The following ESCO2 variants were observed in gnomAD, a reference collection of about 807,000 sequenced individuals.
ESCO2 encodes the protein establishment of sister chromatid cohesion N-acetyltransferase 2.
In ESCO2, 51 loss-of-function variants were observed where a neutral mutation model predicts 61.7. The observed-to-expected ratio is 0.83, with a 90% CI of 0.66 to 1.04. ESCO2 has a LOEUF of 1.04. ESCO2 is among the 50% of genes least tolerant of loss of function. ESCO2 has a pLI of 0.00. For missense variants in ESCO2, 692 were observed against 686.2 expected (o/e 1.01, Z -0.09); for synonymous variants, 230 against 238.2 (o/e 0.97, Z 0.32).
At chr8:27,772,908 C>T (rs562141249), upstream of ESCO2, among the ~76,000 whole-genome samples, 1 of 152,248 alleles carries the variant, frequency 6.6e-6, no homozygotes, top group Admixed American at 6.5e-5. Flanking sequence ...GGGTTTAGAA[C>T]ATAGCACACA....
At chr8:27,807,040 TTATC>T (rs1389510733), downstream of ESCO2, among the ~76,000 whole-genome samples, 1 of 152,186 alleles carries the variant, frequency 6.6e-6, no homozygotes, top group Non-Finnish European at 1.5e-5. Context: ...TAATTCTAAT[TTATC>T]TATTTCTATC....
intron 3 of ESCO2, chr8:27,779,823 C>T (rs1173660182): frequency 2.2e-5 from 5 of 227,842 alleles, no homozygotes; most frequent in Non-Finnish European, 2.6e-5. Flanking sequence ...GGTGCCACCA[C>T]GCCCAGCTAA....
At chr8:27,802,990 C>T (rs964635184) in intron 10 of ESCO2, among the ~76,000 whole-genome samples, 3 of 151,946 alleles carry the variant, frequency 2.0e-5, no homozygotes, top group Admixed American at 6.6e-5. Context: ...GCCTTGGCCT[C>T]CCAAAGTGCT....
intron 9 of ESCO2, among the ~76,000 whole-genome samples, chr8:27,794,846 ATTGT>A (rs1249618938): frequency 2.0e-4 from 30 of 152,102 alleles, no homozygotes; most frequent in African/African-American, 7.0e-4. Context: ...TCCTTGCCCC[ATTGT>A]TTGTTCTTGG....
intron 5 of ESCO2, among the ~76,000 whole-genome samples, chr8:27,786,373 A>C (rs1451168547): frequency 6.6e-6 from 1 of 152,186 alleles, no homozygotes; most frequent in Non-Finnish European, 1.5e-5. Flanking sequence ...TCACAGGTTC[A>C]CGTGATTGCT....
intron 2 of ESCO2, 103 bp from the exon 3 acceptor site, chr8:27,776,259 T>C: frequency 2.2e-6 from 2 of 893,354 alleles, no homozygotes; most frequent in Non-Finnish European, 3.5e-6. Flanking sequence ...GGGGTACATG[T>C]ATTGTTTTTA....
chr8:27,807,456 A>C (rs1453879533), downstream of ESCO2, among the ~76,000 whole-genome samples: 1 of 152,120 alleles, frequency 6.6e-6, no homozygotes. Context: ...TAAATAAACC[A>C]AACCCAATTT....
Position 27,788,965 on chromosome 8 carries a change from G to T in ESCO2, c.1250G>T (p.Gly417Val). The T allele has an allele frequency of 6.2e-7, 1 of 1,613,964 alleles. No homozygotes were observed. The highest frequency in any genetic ancestry group is 8.5e-7 in the Non-Finnish European group (1 of 1,179,954). ...CAGCATCACCACAGGTTTCTGGAAGGAATCAAATATGTGGTGAGCCAAAAC... is the reference window on the plus strand; with the variant it reads ...CAGCATCACCACAGGTTTCTGGAAGTAATCAAATATGTGGTGAGCCAAAAC... Reference protein sequence around the residue: ...HVQHHHRFLEGIKYVGWKKER... With the variant: ...HVQHHHRFLEVIKYVGWKKER... The change falls in exon 7 of 11, where the codon GGA becomes GTA. Residue 417 changes from glycine (G) to valine (V), a missense_variant. By Grantham distance (109) the Gly-to-Val change is moderately radical. Transcript: ENST00000305188.
chr8:27,806,546 A>T (rs1019104184), downstream of ESCO2, among the ~76,000 whole-genome samples: 1 of 151,860 alleles, frequency 6.6e-6, no homozygotes, highest in African/African-American at 2.4e-5. Flanking sequence ...TTGGGATTTT[A>T]TTGGAATTGT....
chr8:27,819,556 T>TG, the ESCO2 span, among the ~76,000 whole-genome samples: 1 of 152,228 alleles, frequency 6.6e-6, no homozygotes, highest in East Asian at 1.9e-4. Context: ...GCATTGATGT[T>TG]AAGGAATATC....
intron 9 of ESCO2, among the ~76,000 whole-genome samples, chr8:27,794,612 A>G (rs1805254849): frequency 6.6e-6 from 1 of 151,988 alleles, no homozygotes; most frequent in Non-Finnish European, 1.5e-5. Context: ...TTCTTCTTTT[A>G]TTGCCCACAT....
intron 10 of ESCO2, among the ~76,000 whole-genome samples, chr8:27,800,918 T>C (rs2128958015): frequency 6.6e-6 from 1 of 152,262 alleles, no homozygotes; most frequent in South Asian, 2.1e-4. Flanking sequence ...AGAAAGTAGA[T>C]GTGTAGTTTC....
At chr8:27,799,814 C>G (rs1270254377) in intron 10 of ESCO2, 98 bp downstream of exon 10, 3 of 1,387,762 alleles carry the variant, frequency 2.2e-6, no homozygotes, top group Non-Finnish European at 3.1e-6. Flanking sequence ...TGGTAAGATA[C>G]TTCAGTATAA....
chr8:27,801,247 A>G (rs1805417371), intron 10 of ESCO2, among the ~76,000 whole-genome samples: 1 of 152,218 alleles, frequency 6.6e-6, no homozygotes, highest in South Asian at 2.1e-4. Context: ...GAGTTTCACA[A>G]CACTTGCTCT....
At chr8:27,777,591 C>T (rs1356465299) in intron 3 of ESCO2, 1 of 155,282 alleles carries the variant, frequency 6.4e-6, no homozygotes, top group African/African-American at 2.4e-5. Context: ...TGAACCACTG[C>T]ACCTGGCCCA....
At chr8:27,783,853 A>T (rs946553623) in intron 4 of ESCO2, 147 bp from the exon 5 acceptor site, 6 of 746,516 alleles carry the variant, frequency 8.0e-6, no homozygotes, top group Non-Finnish European at 1.2e-5. Flanking sequence ...TCTGTTGAGG[A>T]CTGTTTTTCC....
chr8:27,772,423 G>C (rs982557567), upstream of ESCO2: 8 of 1,345,196 alleles, frequency 5.9e-6, no homozygotes, highest in African/African-American at 1.2e-4. Flanking sequence ...AGGCATTTTA[G>C]AGCGAGGGTC....
intron 10 of ESCO2, 86 bp downstream of exon 10, chr8:27,799,802 A>C: frequency 2.1e-6 from 3 of 1,439,720 alleles, no homozygotes; most frequent in Non-Finnish European, 2.9e-6. Context: ...AGGGAAGGAT[A>C]TTGGTAAGAT....
At chr8:27,793,152 C>T (rs1012314760) in intron 9 of ESCO2, among the ~76,000 whole-genome samples, 1 of 152,126 alleles carries the variant, frequency 6.6e-6, no homozygotes, top group African/African-American at 2.4e-5. Flanking sequence ...TTACTTATCC[C>T]TTAATTAGAA....
Sources: gnomAD v4.1 joint callset for allele counts (sites outside exome capture counted in the v4.1 genomes callset) on GRCh38, gnomAD v4.1.1 for gene constraint, MANE v1.5 for transcripts, NCBI Gene and HGNC (gene_info 2026-07-23, HGNC 2026-07-21) for gene names.